The following SYTL2 variants were observed in gnomAD, a reference collection of about 807,000 sequenced individuals.
SYTL2 encodes the protein synaptotagmin like 2, also known as synaptotagmin-like protein 2.
In SYTL2, 165 loss-of-function variants were observed where a neutral mutation model predicts 198.7. That is an observed-to-expected ratio of 0.83 (90% CI 0.73 to 0.94). The LOEUF is 0.94. SYTL2 is among the 40% of genes least tolerant of loss of function. The pLI, the probability that SYTL2 is intolerant of heterozygous loss-of-function variation, is 0.00. For synonymous variants in SYTL2, 966 were observed against 917.7 expected (o/e 1.05, Z -0.95); for missense variants, 2,835 against 2,582.8 (o/e 1.10, Z -2.12).
At chr11:85,803,590 AATATTT>A (rs2092920567) in intron 1 of SYTL2, among the ~76,000 whole-genome samples, 1 of 152,216 alleles carries the variant, frequency 6.6e-6, no homozygotes. Flanking sequence ...CCTAGTTTTG[AATATTT>A]ATAATCTGTT....
intron 2 of SYTL2, among the ~76,000 whole-genome samples, chr11:85,756,065 T>G (rs559927617): frequency 2.0e-5 from 3 of 152,324 alleles, no homozygotes; most frequent in African/African-American, 7.2e-5. Flanking sequence ...CTCCTGCCCT[T>G]ACTCCTCAAT....
intron 11 of SYTL2, chr11:85,717,086 TTCACATCTACA>T: frequency 6.5e-6 from 1 of 154,158 alleles, no homozygotes. Flanking sequence ...TATAAATGAA[TTCACATCTACA>T]GTTTCGTACA....
chr11:85,801,818 C>T lies in SYTL2; in HGVS notation c.-390+9136G>A, dbSNP rs548197454. ...TGTGCCAACTCAGTAGTCTCTTCCC[C>T]GTTCTTTTTTTTTTTTTTTTCAGAT... On this transcript the variant is annotated intron_variant, in intron 1 of 19. Coordinates refer to ENST00000359152, the MANE Select transcript of SYTL2 (RefSeq NM_206927.4). Among the ~76,000 whole-genome samples, 25 of 151,416 alleles carry T rather than the reference C, an allele frequency of 1.7e-4. No individual in the cohort carries two copies. The South Asian group carries it at 5.0e-3, about 30-fold the overall frequency.
At chr11:85,829,059 T>TG in the SYTL2 span, among the ~76,000 whole-genome samples, 529 of 149,628 alleles carry the variant, frequency 3.5e-3, 1 homozygote, top group African/African-American at 0.012. Context: ...GTTTTTTTTT[T>TG]TTTGTTTGTT....
Position 85,695,163 on chromosome 11 carries a change from G to A in SYTL2, c.*32C>T. 2 of 1,597,296 alleles carry A rather than the reference G, an allele frequency of 1.3e-6. No homozygotes were observed. The highest frequency in any genetic ancestry group is 1.7e-6 in the Non-Finnish European group (2 of 1,170,738). On this transcript the variant is annotated 3_prime_UTR_variant, in exon 20 of 20. Coordinates refer to ENST00000359152, the MANE Select transcript of SYTL2 (RefSeq NM_206927.4). ...AAGATCAGATTCCACCGGTTTAGTA[G>A]TTTTCAGTGGAGGAGCCAGTGGAAT...
At position 85,710,988 on chromosome 11, in the gene SYTL2, G is replaced by A; in HGVS notation, c.5745+125C>T. 3.9e-6 allele frequency: 4 copies of A among 1,030,248 alleles called. No individual in the cohort carries two copies. The East Asian group carries it at 1.0e-4, about 27-fold the overall frequency. 63.8% of individuals were successfully genotyped at this position (1,030,248 alleles called of 1,614,324 possible). ...ATGTAGCTAGCCAGAAGCTAATTAT[G>A]GATTAGAGAAACTGTTTGTGCCCTG... is the stretch of plus-strand genomic sequence containing the variant. On this transcript the variant is annotated intron_variant, in intron 13 of 19. Transcript: ENST00000359152.
intron 1 of SYTL2, among the ~76,000 whole-genome samples, chr11:85,782,687 T>C (rs2092580376): frequency 6.6e-6 from 1 of 152,218 alleles, no homozygotes; most frequent in Non-Finnish European, 1.5e-5. Flanking sequence ...TTGAACACTT[T>C]ACCGCTTAGA....
chr11:85,747,896 G>T (rs930157097), intron 3 of SYTL2, among the ~76,000 whole-genome samples: 1 of 152,168 alleles, frequency 6.6e-6, no homozygotes, highest in African/African-American at 2.4e-5. Context: ...ACTACCATAT[G>T]TTAAGATCAC....
chr11:85,702,831 A>G (rs2084554759), intron 16 of SYTL2, among the ~76,000 whole-genome samples: 1 of 152,248 alleles, frequency 6.6e-6, no homozygotes, highest in Non-Finnish European at 1.5e-5. Context: ...AAAAATAGAT[A>G]AGCAGGACTC....
intron 1 of SYTL2, among the ~76,000 whole-genome samples, chr11:85,796,552 T>A (rs2092806658): frequency 2.0e-5 from 3 of 152,200 alleles, no homozygotes; most frequent in Admixed American, 2.0e-4. Context: ...CCAATAGCTC[T>A]TTGTCACCCA....
rs2091291376 is a variant in SYTL2 at position 85,748,257 on chromosome 11, G to C, written c.253+15C>G. ...ACGAATGCTTGTTGTAAATGCACTA[G>C]CCAAGTCAACTCACCTGCTATCTGG... On this transcript the variant is annotated intron_variant, in intron 3 of 19. Coordinates refer to ENST00000359152, the MANE Select transcript of SYTL2 (RefSeq NM_206927.4). The C allele has an allele frequency of 6.2e-7, 1 of 1,609,596 alleles. No homozygotes were observed. The highest frequency in any genetic ancestry group is 1.3e-5 in the African/African-American group (1 of 74,804).
intron 14 of SYTL2, chr11:85,707,956 C>CAA (rs11464135): frequency 0.51 from 44,022 of 85,494 alleles, 12,550 homozygotes; most frequent in East Asian, 0.59. Flanking sequence ...AGGCTGGTCT[C>CAA]AAAAAAAAAA....
intron 2 of SYTL2, among the ~76,000 whole-genome samples, chr11:85,748,870 C>A (rs2091334252): frequency 6.6e-6 from 1 of 152,206 alleles, no homozygotes; most frequent in African/African-American, 2.4e-5. Context: ...TAGCTCTCTG[C>A]ACCTCCCTGG....
the SYTL2 span, among the ~76,000 whole-genome samples, chr11:85,832,894 G>T: frequency 6.6e-6 from 1 of 150,934 alleles, no homozygotes; most frequent in African/African-American, 2.4e-5. Context: ...TACTTGAGAG[G>T]CTGAGCTGGG....
the SYTL2 span, among the ~76,000 whole-genome samples, chr11:85,852,380 G>C: frequency 1.3e-5 from 2 of 151,488 alleles, no homozygotes; most frequent in African/African-American, 2.4e-5. Context: ...CTCTCCCCAC[G>C]GTCTCCCTCT....
At chr11:85,754,032 T>C (rs1047442260) in intron 2 of SYTL2, among the ~76,000 whole-genome samples, 3 of 152,142 alleles carry the variant, frequency 2.0e-5, no homozygotes, top group Non-Finnish European at 4.4e-5. Flanking sequence ...TATAAAACAT[T>C]AGTATTTAAA....
intron 2 of SYTL2, among the ~76,000 whole-genome samples, chr11:85,757,192 T>C (rs550065496): frequency 6.6e-6 from 1 of 152,302 alleles, no homozygotes; most frequent in Non-Finnish European, 1.5e-5. Context: ...TCTGAAAGCA[T>C]GCAGAAATGT....
chr11:85,789,346 A>ATATATATATG (rs2092689542), intron 1 of SYTL2, among the ~76,000 whole-genome samples: 1 of 21,466 alleles, frequency 4.7e-5, no homozygotes, highest in African/African-American at 1.3e-4. Flanking sequence ...GTGTGTATAT[A>ATATATATATG]TATATATATA....
intron 1 of SYTL2, among the ~76,000 whole-genome samples, chr11:85,808,380 T>C (rs1249568750): frequency 6.6e-6 from 1 of 152,162 alleles, no homozygotes; most frequent in African/African-American, 2.4e-5. Context: ...TTATTATTAA[T>C]GTTAATCTGG....
Sources: allele counts gnomAD v4.1 joint callset (sites outside exome capture counted in the v4.1 genomes callset), GRCh38; gene constraint gnomAD v4.1.1; transcripts MANE v1.5; gene names NCBI Gene and HGNC (gene_info 2026-07-23, HGNC 2026-07-21).